Variants in TDRD9 observed in about 807,000 individuals in gnomAD.
TDRD9 encodes ATP-dependent RNA helicase TDRD9.
In TDRD9, 124 loss-of-function variants were observed where a neutral mutation model predicts 172.6. The ratio of observed to expected loss-of-function variants is 0.72; its 90% CI spans 0.62 to 0.83. The LOEUF is 0.83. Ranked by LOEUF, TDRD9 falls within the 40% of genes least tolerant of loss-of-function variation. TDRD9 has a pLI of 0.00. For missense variants in TDRD9, 1,479 were observed against 1,714.1 expected (o/e 0.86, Z 2.42); for synonymous variants, 619 against 617.1 (o/e 1.00, Z -0.05).
intron 31 of TDRD9, among the ~76,000 whole-genome samples, chr14:104,034,528 G>A (rs2035390955): frequency 6.6e-6 from 1 of 152,162 alleles, no homozygotes; most frequent in Non-Finnish European, 1.5e-5. Context: ...GACTGCTTTG[G>A]CTGGTGCGAG....
intron 5 of TDRD9, among the ~76,000 whole-genome samples, chr14:103,968,794 T>TAAAAAAAAAAAAAAA (rs1475595274): frequency 4.6e-4 from 1 of 2,166 alleles, no homozygotes; most frequent in Non-Finnish European, 1.8e-3. Flanking sequence ...AGACTCTGTC[T>TAAAAAAAAAAAAAAA]CAAAAAAAAA....
At chr14:103,986,055 C>T (rs906139355) in intron 7 of TDRD9, among the ~76,000 whole-genome samples, 162 bp from the exon 8 acceptor site, 2 of 152,210 alleles carry the variant, frequency 1.3e-5, no homozygotes, top group Non-Finnish European at 2.9e-5. Context: ...GTACTTGGCA[C>T]ACAGCACGTG....
chr14:104,033,157 A>T (rs548908004), intron 30 of TDRD9, among the ~76,000 whole-genome samples: 48 of 152,240 alleles, frequency 3.2e-4, no homozygotes, highest in Admixed American at 2.2e-3. Flanking sequence ...TGCATTTTAA[A>T]ATGATGCCTT....
intron 7 of TDRD9, among the ~76,000 whole-genome samples, chr14:103,983,256 T>G (rs2033549039): frequency 6.6e-6 from 1 of 151,626 alleles, no homozygotes; most frequent in African/African-American, 2.4e-5. Flanking sequence ...AGAGATGGGG[T>G]TTCACCATGT....
chr14:103,984,959 G>A (rs1023241106), intron 7 of TDRD9, among the ~76,000 whole-genome samples: 2 of 152,192 alleles, frequency 1.3e-5, no homozygotes, highest in Non-Finnish European at 2.9e-5. Flanking sequence ...TCATTTTGGA[G>A]CTTTAAGATT....
intron 8 of TDRD9, among the ~76,000 whole-genome samples, chr14:103,989,822 C>G (rs1036814277): frequency 6.6e-6 from 1 of 152,222 alleles, no homozygotes; most frequent in Non-Finnish European, 1.5e-5. Flanking sequence ...TTTTCCAACC[C>G]TGGAGGGACT....
intron 24 of TDRD9, among the ~76,000 whole-genome samples, chr14:104,024,366 A>T (rs921118698): frequency 3.9e-5 from 6 of 152,136 alleles, no homozygotes; most frequent in Admixed American, 1.3e-4. Context: ...TGGGATGTGT[A>T]CCCCTTCCAG....
rs779703046 is a variant in TDRD9 at position 104,026,825 on chromosome 14, C to T, written c.3168C>T (p.Ser1056=). 31 of 1,613,892 alleles carry T rather than the reference C, an allele frequency of 1.9e-5. No individual in the cohort carries two copies. The Middle Eastern group carries it at 4.9e-4, about 26-fold the overall frequency. The change falls in exon 28 of 36, where the codon AGC becomes AGT. Residue 1056 remains serine, a synonymous_variant. Transcript: ENST00000409874. ...LLVKVFSVVH[S]VLHVDVYQYS... ...TGAAGGTCTTCTCTGTGGTGCACAGCGTCCTGCACGTGGATGTGTACCAGT... is the reference window on the plus strand; with the variant it reads ...TGAAGGTCTTCTCTGTGGTGCACAGTGTCCTGCACGTGGATGTGTACCAGT...
rs568796407 is a variant in TDRD9 at position 104,000,442 on chromosome 14, T to C, written c.1483+1714T>C. Reference sequence around the variant, plus strand: ...ATATTAAACTGTAAACACCTCACTATGTTTAACCACCTCTCCCCTCAAACT... The same window carrying C: ...ATATTAAACTGTAAACACCTCACTACGTTTAACCACCTCTCCCCTCAAACT... On this transcript the variant is annotated intron_variant, in intron 13 of 35. Coordinates refer to ENST00000409874, the MANE Select transcript of TDRD9 (RefSeq NM_153046.3). Among the ~76,000 whole-genome samples, 112 of 151,942 alleles carry C rather than the reference T, an allele frequency of 7.4e-4. 2 individuals are homozygous for C. In the South Asian group the frequency reaches 0.013, roughly 18 times the overall value.
intron 28 of TDRD9, among the ~76,000 whole-genome samples, chr14:104,029,663 CT>C (rs1477016880): frequency 6.6e-6 from 1 of 152,130 alleles, no homozygotes; most frequent in African/African-American, 2.4e-5. Flanking sequence ...GATGCCCTTT[CT>C]TTCTTCCTCT....
rs1307117570 is a variant in TDRD9 at position 104,026,877 on chromosome 14, A to C, written c.3220A>C (p.Ile1074Leu). Residue 1074 changes from isoleucine (I) to leucine (L), a missense_variant, in exon 28 of 36, where the codon ATA (isoleucine) becomes CTA (leucine). By Grantham distance (5) the Ile-to-Leu change is conservative. Transcript: ENST00000409874. ...CTCAGGGGTCCAGGATGCCATCAAC[A>C]TAAGAGACGTCCTCATCCAGCAGGG... ...QYSGVQDAIN[I>L]RDVLIQQGYA... The C allele has an allele frequency of 6.2e-7, 1 of 1,613,904 alleles. No individual in the cohort carries two copies. Among genetic ancestry groups the C allele is most frequent in the Non-Finnish European group, 8.5e-7 (1 of 1,179,884 alleles).
In TDRD9 at chr14:103,974,010, C is replaced by T. The variant is rs147895914; in HGVS notation, c.847-1379C>T. ...CTCACAAGTGTGAGACTGGCCTGGG[C>T]AACATGGCGAAACCCTGCCTCTACA... On this transcript the variant is annotated intron_variant, in intron 6 of 35. Coordinates refer to ENST00000409874, the MANE Select transcript of TDRD9 (RefSeq NM_153046.3). Among the ~76,000 whole-genome samples the T allele has an allele frequency of 2.9e-3, 437 of 152,178 alleles. 1 individual carries two copies. Among genetic ancestry groups the T allele is most frequent in the South Asian group, 5.6e-3 (27 of 4,818 alleles).
In TDRD9 at chr14:104,021,368, A is replaced by G. The variant is rs371028926; in HGVS notation, c.2433-789A>G. 1.1e-4 allele frequency among the ~76,000 whole-genome samples: 16 copies of G among 152,300 alleles called. No homozygotes were observed. In the East Asian group the frequency reaches 2.5e-3, roughly 24 times the overall value. On this transcript the variant is annotated intron_variant, in intron 23 of 35. Coordinates refer to ENST00000409874, the MANE Select transcript of TDRD9 (RefSeq NM_153046.3). ...CCATATCACTTGGCAATCAATTTAT[A>G]TCACTTGGCAATCAATTTATATCAC...
intron 34 of TDRD9, among the ~76,000 whole-genome samples, chr14:104,042,751 C>G (rs1481204112): frequency 6.6e-6 from 1 of 152,110 alleles, no homozygotes; most frequent in Non-Finnish European, 1.5e-5. Context: ...CCTACCCAGT[C>G]CTGTGCTCCT....
At chr14:104,010,490 A>G (rs983483313) in intron 20 of TDRD9, among the ~76,000 whole-genome samples, 2 of 151,782 alleles carry the variant, frequency 1.3e-5, no homozygotes, top group Non-Finnish European at 2.9e-5. Flanking sequence ...CATCTCTTAC[A>G]GTATAATAGT....
At chr14:104,023,197 A>C (rs2035017824) in intron 24 of TDRD9, among the ~76,000 whole-genome samples, 2 of 150,330 alleles carry the variant, frequency 1.3e-5, no homozygotes, top group African/African-American at 4.9e-5. Context: ...AAAAAAAAAA[A>C]AAAAAAAAAA....
At position 104,031,134 on chromosome 14, in the gene TDRD9, C is replaced by CT. The variant is rs1393469095; in HGVS notation, c.3313dup (p.Ser1105PhefsTer35). On this transcript the variant is annotated frameshift_variant, in exon 29 of 36. Transcript: ENST00000409874. LOFTEE classifies it high-confidence loss of function. ...AAAGCCATGAAGTTCTCAAGGGCCT[C>CT]TTTTCCAAGTCAGTAGAAAACATGA... The CT allele has an allele frequency of 1.3e-6, 2 of 1,550,914 alleles. No homozygotes were observed. The highest frequency in any genetic ancestry group is 2.7e-5 in the African/African-American group (2 of 73,006).
intron 13 of TDRD9, among the ~76,000 whole-genome samples, chr14:104,002,274 C>T (rs1031429802): frequency 6.1e-5 from 9 of 148,618 alleles, no homozygotes; most frequent in East Asian, 2.0e-4. Flanking sequence ...GCCATGATTG[C>T]GCCACTGCAC....
chr14:103,983,583 T>G (rs2033563114), intron 7 of TDRD9, among the ~76,000 whole-genome samples: 1 of 152,174 alleles, frequency 6.6e-6, no homozygotes, highest in African/African-American at 2.4e-5. Flanking sequence ...AAAAACCCAG[T>G]ATCGCTATAA....
Sources: allele counts gnomAD v4.1 joint callset (sites outside exome capture counted in the v4.1 genomes callset), GRCh38; gene constraint gnomAD v4.1.1; transcripts MANE v1.5; gene names NCBI Gene and HGNC (gene_info 2026-07-23, HGNC 2026-07-21).